Variants in CLVS1 observed in about 807,000 individuals in gnomAD.
CLVS1 encodes clavesin-1.
Under a neutral mutation model 33.1 loss-of-function variants are expected in CLVS1, and 10 were observed. The observed-to-expected ratio is 0.30, with a 90% CI of 0.19 to 0.51. The LOEUF is 0.51. CLVS1 is among the 20% of genes least tolerant of loss of function. The pLI, the probability that CLVS1 is intolerant of heterozygous loss-of-function variation, is 0.97. For synonymous variants in CLVS1, 163 were observed against 166.1 expected, an observed-to-expected ratio of 0.98 and a Z score of 0.14; for missense variants, 343 against 433.4, an observed-to-expected ratio of 0.79 and a Z score of 1.85.
intron 2 of CLVS1, among the ~76,000 whole-genome samples, chr8:61,252,734 C>A (rs1243073789): frequency 1.3e-5 from 2 of 151,970 alleles, no homozygotes; most frequent in African/African-American, 2.4e-5. Context: ...AGATTACAAT[C>A]GCAACTCCTG....
At chr8:61,364,670 A>G (rs1202787657) in intron 2 of CLVS1, among the ~76,000 whole-genome samples, 1 of 152,206 alleles carries the variant, frequency 6.6e-6, no homozygotes, top group Non-Finnish European at 1.5e-5. Flanking sequence ...ATCCATTTCT[A>G]TTAGGTGTGA....
chr8:61,151,923 G>T (rs1806545541), intron 2 of CLVS1, among the ~76,000 whole-genome samples: 1 of 152,164 alleles, frequency 6.6e-6, no homozygotes. Flanking sequence ...AGCTTTAGAG[G>T]AAGGCAGACG....
chr8:61,081,984 CTT>C (rs759588766), intron 1 of CLVS1, among the ~76,000 whole-genome samples: 1 of 152,116 alleles, frequency 6.6e-6, no homozygotes, highest in Non-Finnish European at 1.5e-5. Context: ...TAGAACCAGA[CTT>C]ATATATGGCA....
At chr8:61,076,041 C>T (rs145232400) in intron 1 of CLVS1, among the ~76,000 whole-genome samples, 30 of 152,290 alleles carry the variant, frequency 2.0e-4, no homozygotes, top group Admixed American at 3.9e-4. Flanking sequence ...TGTATAAACT[C>T]ATCATGAAAT....
chr8:61,055,544 A>T (rs1279738770), upstream of CLVS1, among the ~76,000 whole-genome samples: 1 of 152,222 alleles, frequency 6.6e-6, no homozygotes, highest in Non-Finnish European at 1.5e-5. Flanking sequence ...GCCATAATTG[A>T]ATTCTCCTTT....
chr8:61,195,575 G>A (rs140103281), intron 2 of CLVS1, among the ~76,000 whole-genome samples: 367 of 151,572 alleles, frequency 2.4e-3, no homozygotes, highest in Non-Finnish European at 3.6e-3. Context: ...TAGAATTAAG[G>A]ATTATCTTAA....
intron 2 of CLVS1, among the ~76,000 whole-genome samples, chr8:61,273,145 A>G (rs1350014884): frequency 6.8e-6 from 1 of 147,988 alleles, no homozygotes; most frequent in Non-Finnish European, 1.5e-5. Context: ...GTCTTTGATG[A>G]TGGTGATGTA....
intron 2 of CLVS1, among the ~76,000 whole-genome samples, chr8:61,161,247 TG>T (rs2129296645): frequency 6.6e-6 from 1 of 152,262 alleles, no homozygotes; most frequent in Non-Finnish European, 1.5e-5. Context: ...ACACTTATTA[TG>T]GGAAACACTA....
At chr8:61,431,731 G>A (rs965450358) in intron 3 of CLVS1, among the ~76,000 whole-genome samples, 2 of 151,760 alleles carry the variant, frequency 1.3e-5, no homozygotes, top group African/African-American at 2.4e-5. Flanking sequence ...GTTCTTTGAC[G>A]TATCCCCAGG....
At chr8:61,480,045 G>A (rs1046471726) in intron 5 of CLVS1, among the ~76,000 whole-genome samples, 1 of 152,244 alleles carries the variant, frequency 6.6e-6, no homozygotes. Flanking sequence ...CCCATTTGAG[G>A]AGGCAGTCTG....
At chr8:61,498,827 TC>T (rs1486551001) in intron 5 of CLVS1, among the ~76,000 whole-genome samples, 4 of 152,158 alleles carry the variant, frequency 2.6e-5, no homozygotes, top group Non-Finnish European at 4.4e-5. Context: ...CCCCCAAGCT[TC>T]CCAGCCAGTA....
chr8:61,414,827 T>G (rs934447624), intron 3 of CLVS1, among the ~76,000 whole-genome samples: 2 of 152,236 alleles, frequency 1.3e-5, no homozygotes, highest in Admixed American at 1.3e-4. Context: ...ACAGATGAGA[T>G]GTCAAATGTG....
rs73687890 is a variant in CLVS1 at position 61,061,411 on chromosome 8, G to T, written c.-243+4181G>T. ...GCACGTACCCATATGCCAGTCCTTT[G>T]CTACCAGGCCATCAGCTGTATTGCT... On this transcript the variant is annotated intron_variant, in intron 1 of 2. Transcript: ENST00000522621. Among the ~76,000 whole-genome samples the T allele has an allele frequency of 5.2e-3, 789 of 152,196 alleles. 5 individuals are homozygous for T. Among genetic ancestry groups the T allele is most frequent in the African/African-American group, 0.018 (752 of 41,508 alleles).
At chr8:61,381,056 T>G (rs1813857593) in intron 3 of CLVS1, among the ~76,000 whole-genome samples, 1 of 152,112 alleles carries the variant, frequency 6.6e-6, no homozygotes, top group South Asian at 2.1e-4. Context: ...AGCTATCTAT[T>G]TTTTGTTTTT....
chr8:61,140,712 C>T (rs986408876), intron 2 of CLVS1, among the ~76,000 whole-genome samples: 1 of 152,110 alleles, frequency 6.6e-6, no homozygotes, highest in Non-Finnish European at 1.5e-5. Flanking sequence ...AAGGCGCCTG[C>T]CACCATGCCC....
chr8:61,204,120 A>G (rs2978521), intron 2 of CLVS1, among the ~76,000 whole-genome samples: 46,861 of 152,042 alleles, frequency 0.31, 7,434 homozygotes, highest in Admixed American at 0.35. Context: ...TGGCATCAAA[A>G]CTGGTGCTCT....
intron 2 of CLVS1, among the ~76,000 whole-genome samples, chr8:61,361,649 G>A (rs893992232): frequency 6.6e-6 from 1 of 152,118 alleles, no homozygotes; most frequent in Non-Finnish European, 1.5e-5. Flanking sequence ...ACCCAGTCTT[G>A]ATTGCATTCA....
chr8:61,387,466 C>CTTTTTTTTT (rs372983692), intron 3 of CLVS1, among the ~76,000 whole-genome samples: 82 of 109,062 alleles, frequency 7.5e-4, no homozygotes, highest in Non-Finnish European at 1.3e-3. Flanking sequence ...TGTACAGTTC[C>CTTTTTTTTT]TTTTTTTTTT....
intron 3 of CLVS1, among the ~76,000 whole-genome samples, chr8:61,424,629 G>A (rs1815812127): frequency 6.6e-6 from 1 of 151,948 alleles, no homozygotes; most frequent in Non-Finnish European, 1.5e-5. Flanking sequence ...CTTTTTTTCT[G>A]ATGTCTTTCC....
Sources: gnomAD v4.1 joint callset for allele counts (sites outside exome capture counted in the v4.1 genomes callset) on GRCh38, gnomAD v4.1.1 for gene constraint, MANE v1.5 for transcripts, NCBI Gene and HGNC (gene_info 2026-07-23, HGNC 2026-07-21) for gene names.